Variants in SLC30A3 observed in about 807,000 individuals in gnomAD.
SLC30A3 encodes the protein solute carrier family 30 member 3.
SLC30A3 carries 20 observed loss-of-function variants against 35.6 expected under a neutral mutation model. The ratio of observed to expected loss-of-function variants is 0.56; its 90% CI spans 0.39 to 0.82. SLC30A3 has a LOEUF of 0.82. Among genes scored for constraint, SLC30A3 ranks in the 40% least tolerant of loss-of-function variants. The probability of loss-of-function intolerance (pLI) is 0.00; values close to 1 mark genes in which losing one functional copy is unlikely to be tolerated. For missense variants in SLC30A3, 401 were observed against 530.6 expected (o/e 0.76, Z 2.40); for synonymous variants, 217 against 224.7 (o/e 0.97, Z 0.31).
intron 1 of SLC30A3, among the ~76,000 whole-genome samples, chr2:27,259,261 A>G (rs1038093215): frequency 2.6e-5 from 4 of 152,170 alleles, no homozygotes; most frequent in African/African-American, 9.6e-5. Flanking sequence ...TTGGGAGGCC[A>G]AGGCAGGCAG....
intron 1 of SLC30A3, among the ~76,000 whole-genome samples, chr2:27,274,679 AAGAAAAG>A (rs1558571432): frequency 4.8e-4 from 73 of 150,720 alleles, no homozygotes; most frequent in African/African-American, 1.8e-3. Flanking sequence ...GTAAAAAAAA[AAGAAAAG>A]AAAAAAGAAA....
chr2:27,257,789 G>T lies in SLC30A3; in HGVS notation c.578+116C>A. 1 of 1,046,546 alleles carries T rather than the reference G, an allele frequency of 9.6e-7. No individual in the cohort carries two copies. The highest frequency in any genetic ancestry group is 1.4e-6 in the Non-Finnish European group (1 of 710,198). 64.8% of individuals were successfully genotyped at this position (1,046,546 alleles called of 1,614,324 possible). A position where few individuals can be genotyped will look rare whatever the true frequency, so the allele number is the denominator to read the frequency against. ...AGGCACACGCAGGGCAGCCCATGGA[G>T]AGCTGTGTGTGCGTGTCTGTGTGTC... On this transcript the variant is annotated intron_variant, in intron 4 of 7. Coordinates refer to ENST00000233535, the MANE Select transcript of SLC30A3 (RefSeq NM_003459.5). This position sits in a 1 kb window ranked among gnomAD's most constrained non-coding sequence, Gnocchi z 4.7.
rs1553373047 is a variant in SLC30A3 at position 27,254,799 on chromosome 2, CAG to C, written c.*511_*512del. The C allele has an allele frequency of 6.6e-5, 18 of 272,670 alleles. No individual in the cohort carries two copies. The highest frequency in any genetic ancestry group is 1.5e-4 in the Admixed American group (3 of 19,944). The allele number at this position is 272,670 out of a possible 1,614,324, so 16.9% of individuals were successfully genotyped here. On this transcript the variant is annotated 3_prime_UTR_variant, in exon 8 of 8. Coordinates refer to ENST00000233535, the MANE Select transcript of SLC30A3 (RefSeq NM_003459.5). ...ACACACACACACACACACACACACA[CAG>C]ACAAAACCACAGGGCTAAGACACAC...
rs1676996119 is a variant in SLC30A3, at chr2:27,258,437, A to G, written c.278-130T>C. On this transcript the variant is annotated intron_variant, in intron 2 of 7. Transcript: ENST00000233535. The surrounding 1 kb of genome is among the most constrained non-coding windows in gnomAD (Gnocchi z 4.0). ...GGGTTTTCTCAGGTGATGGGACTAC[A>G]GGTATAATTAACTACTGTTATGTTA... 4 of 807,416 alleles carry G rather than the reference A, an allele frequency of 5.0e-6. No individual in the cohort carries two copies. Among genetic ancestry groups the G allele is most frequent in the South Asian group, 4.2e-5 (2 of 47,082 alleles). 50.0% of individuals were successfully genotyped at this position (807,416 alleles called of 1,614,324 possible).
In SLC30A3 at chr2:27,255,291, G is replaced by A. The variant is rs1200818209; in HGVS notation, c.*21C>T. 1 of 1,612,790 alleles carries A rather than the reference G, an allele frequency of 6.2e-7. No individual in the cohort carries two copies. Among genetic ancestry groups the A allele is most frequent in the African/African-American group, 1.3e-5 (1 of 74,928 alleles). ...GGGGCTGAGCCTCGGCCTGGCAGTG[G>A]GGTGAGGGCAGGGCCATGGCTCAGG... is the stretch of plus-strand genomic sequence containing the variant. On this transcript the variant is annotated 3_prime_UTR_variant, in exon 8 of 8. Transcript: ENST00000233535. The surrounding 1 kb of genome is among the most constrained non-coding windows in gnomAD (Gnocchi z 5.2).
Position 27,255,185 on chromosome 2 carries a change from G to A in SLC30A3, c.*127C>T, listed in dbSNP as rs749924096. ...GGGGCTGAGGCTGGGGAAACTGGCA[G>A]GTGGTAGGAGGGAGAGAGGAAGGGG... On this transcript the variant is annotated 3_prime_UTR_variant, in exon 8 of 8. Coordinates refer to ENST00000233535, the MANE Select transcript of SLC30A3 (RefSeq NM_003459.5). This position sits in a 1 kb window ranked among gnomAD's most constrained non-coding sequence, Gnocchi z 5.2. 82 of 1,596,008 alleles carry A rather than the reference G, an allele frequency of 5.1e-5. 1 individual carries two copies. Among genetic ancestry groups the A allele is most frequent in the Admixed American group, 8.5e-5 (5 of 59,106 alleles).
chr2:27,255,533 G>T lies in SLC30A3; in HGVS notation c.1019-73C>A. On this transcript the variant is annotated intron_variant, in intron 7 of 7. Coordinates refer to ENST00000233535, the MANE Select transcript of SLC30A3 (RefSeq NM_003459.5). This position sits in a 1 kb window ranked among gnomAD's most constrained non-coding sequence, Gnocchi z 5.2. Reference sequence around the variant, plus strand: ...CAGGCAGGGACTGAGATAAGGACAGGGAAAGGGGCTGCACAGCATTAAAGC... The same window carrying T: ...CAGGCAGGGACTGAGATAAGGACAGTGAAAGGGGCTGCACAGCATTAAAGC... 6.5e-7 allele frequency: 1 copy of T among 1,534,620 alleles called. No homozygotes were observed. Among genetic ancestry groups the T allele is most frequent in the Non-Finnish European group, 8.9e-7 (1 of 1,122,848 alleles).
chr2:27,254,782 AC>A lies in SLC30A3; in HGVS notation c.*529del. 1 of 261,294 alleles carries A rather than the reference AC, an allele frequency of 3.8e-6. No homozygotes were observed. Among genetic ancestry groups the A allele is most frequent in the East Asian group, 1.1e-4 (1 of 9,156 alleles). 16.2% of individuals were successfully genotyped at this position (261,294 alleles called of 1,614,324 possible). A position where few individuals can be genotyped will look rare whatever the true frequency, so the allele number is the denominator to read the frequency against. On this transcript the variant is annotated 3_prime_UTR_variant, in exon 8 of 8. Coordinates refer to ENST00000233535, the MANE Select transcript of SLC30A3 (RefSeq NM_003459.5). ...AGAACACACACACACACACACACAC[AC>A]ACACACACACACACACAGACAAAAC...
At position 27,257,991 on chromosome 2, in the gene SLC30A3, G is replaced by T; in HGVS notation, c.492C>A (p.Ala164=). ...AGTCGCTGTGCAGCAGGCGGACGAAGGCCAGGTACAGGAGGATGCCAGTGA... is the reference window on the plus strand; with the variant it reads ...AGTCGCTGTGCAGCAGGCGGACGAATGCCAGGTACAGGAGGATGCCAGTGA... ...WMVTGILLYL[A]FVRLLHSDYH... Residue 164 remains alanine, a synonymous_variant, in exon 4 of 8, where the codon GCC becomes GCA. Coordinates refer to ENST00000233535, the MANE Select transcript of SLC30A3 (RefSeq NM_003459.5). This position sits in a 1 kb window ranked among gnomAD's most constrained non-coding sequence, Gnocchi z 4.7. 6.2e-7 allele frequency: 1 copy of T among 1,614,214 alleles called. No homozygotes were observed. The highest frequency in any genetic ancestry group is 8.5e-7 in the Non-Finnish European group (1 of 1,180,016).
Position 27,255,472 on chromosome 2 carries a change from T to C in SLC30A3, c.1019-12A>G, listed in dbSNP as rs542318818. 6.8e-6 allele frequency: 11 copies of C among 1,610,362 alleles called. No homozygotes were observed. The African/African-American group carries it at 1.2e-4, about 18-fold the overall frequency. ...GTCAGCGGTGGAGTCTGTGGGAGAG[T>C]GATAAGAGGCGGCATCCATCCCGGG... On this transcript the variant is annotated splice_polypyrimidine_tract_variant and intron_variant, in intron 7 of 7. Transcript: ENST00000233535. This position sits in a 1 kb window ranked among gnomAD's most constrained non-coding sequence, Gnocchi z 5.2.
At chr2:27,264,949 A>G (rs913180754), upstream of SLC30A3, among the ~76,000 whole-genome samples, 1 of 152,094 alleles carries the variant, frequency 6.6e-6, no homozygotes, top group Non-Finnish European at 1.5e-5. This position sits in a 1 kb window ranked among gnomAD's most constrained non-coding sequence, Gnocchi z 6.1. Flanking sequence ...GCTCTCCCCA[A>G]TTCTGAGAAC....
Position 27,258,417 on chromosome 2 carries a change from T to G in SLC30A3, c.278-110A>C. ...TACACCAAAAATGTGATTTGGGGTTTTCTCAGGTGATGGGACTACAGGTAT... is the reference window on the plus strand; with the variant it reads ...TACACCAAAAATGTGATTTGGGGTTGTCTCAGGTGATGGGACTACAGGTAT... On this transcript the variant is annotated intron_variant, in intron 2 of 7. Transcript: ENST00000233535. The surrounding 1 kb of genome is among the most constrained non-coding windows in gnomAD (Gnocchi z 4.0). 9.1e-7 allele frequency: 1 copy of G among 1,103,352 alleles called. No homozygotes were observed. Among genetic ancestry groups the G allele is most frequent in the South Asian group, 1.9e-5 (1 of 52,616 alleles). 68.3% of individuals were successfully genotyped at this position (1,103,352 alleles called of 1,614,324 possible). A position where few individuals can be genotyped will look rare whatever the true frequency, so the allele number is the denominator to read the frequency against.
chr2:27,261,616 G>T (rs535129939), intron 1 of SLC30A3, among the ~76,000 whole-genome samples: 1 of 152,282 alleles, frequency 6.6e-6, no homozygotes, highest in Non-Finnish European at 1.5e-5. Flanking sequence ...GTGTGTGGGG[G>T]TGTGGGCATG....
In SLC30A3 at chr2:27,255,114, C is replaced by A. The variant is rs1372990698; in HGVS notation, c.*198G>T. 1.3e-6 allele frequency: 2 copies of A among 1,533,156 alleles called. No homozygotes were observed. The highest frequency in any genetic ancestry group is 2.4e-5 in the South Asian group (2 of 83,612). The allele number at this position is 1,533,156 out of a possible 1,614,324, so 95.0% of individuals were successfully genotyped here. On this transcript the variant is annotated 3_prime_UTR_variant, in exon 8 of 8. Transcript: ENST00000233535. The surrounding 1 kb of genome is among the most constrained non-coding windows in gnomAD (Gnocchi z 5.2). The stretch of plus-strand genomic sequence containing the variant: ...GTCACATCTATTCCCCTGACTCCCA[C>A]CCCACTCCCCGCCACACTTTGGTCT...
rs1676811529 is a variant in SLC30A3, at chr2:27,255,741, C to G, written c.1019-281G>C. ...CTCAACATTTCAGCAGCCATACCAC[C>G]CGATTTCCCAGGACAATCCAGTTGT... On this transcript the variant is annotated intron_variant, in intron 7 of 7. Transcript: ENST00000233535. The surrounding 1 kb of genome is among the most constrained non-coding windows in gnomAD (Gnocchi z 5.2). 9 of 419,310 alleles carry G rather than the reference C, an allele frequency of 2.1e-5. No homozygotes were observed. In the South Asian group the frequency reaches 2.5e-4, roughly 12 times the overall value. The allele number at this position is 419,310 out of a possible 1,614,324, so 26.0% of individuals were successfully genotyped here. A position where few individuals can be genotyped will look rare whatever the true frequency, so the allele number is the denominator to read the frequency against.
At chr2:27,268,053 T>C (rs570616591) in intron 1 of SLC30A3, among the ~76,000 whole-genome samples, 1 of 152,310 alleles carries the variant, frequency 6.6e-6, no homozygotes, top group South Asian at 2.1e-4. Context: ...ATACTGCATA[T>C]TTTACTCATT....
chr2:27,264,629 G>C (rs1232965661), upstream of SLC30A3, among the ~76,000 whole-genome samples: 1 of 152,166 alleles, frequency 6.6e-6, no homozygotes, highest in Non-Finnish European at 1.5e-5. This position sits in a 1 kb window ranked among gnomAD's most constrained non-coding sequence, Gnocchi z 6.1. Context: ...GGCTGCGCCA[G>C]CCTCTCCTCC....
chr2:27,264,131 A>G, upstream of SLC30A3: 1 of 1,159,210 alleles, frequency 8.6e-7, no homozygotes, highest in Non-Finnish European at 1.1e-6. This position sits in a 1 kb window ranked among gnomAD's most constrained non-coding sequence, Gnocchi z 6.1. Context: ...CGAAGCTGTG[A>G]CAGTCTGTGA....
At chr2:27,267,209 G>A (rs1255506371), upstream of SLC30A3, among the ~76,000 whole-genome samples, 1 of 152,066 alleles carries the variant, frequency 6.6e-6, no homozygotes, top group Non-Finnish European at 1.5e-5. Flanking sequence ...TCCTGATCCC[G>A]CCCTTGTCCA....
Sources: gnomAD v4.1 joint callset for allele counts (sites outside exome capture counted in the v4.1 genomes callset) on GRCh38, gnomAD v4.1.1 for gene constraint, Gnocchi (gnomAD v3.1) non-coding constraint, MANE v1.5 for transcripts, NCBI Gene and HGNC (gene_info 2026-07-23, HGNC 2026-07-21) for gene names.